The following PCDHA1 variants were observed in gnomAD, a reference collection of about 807,000 sequenced individuals.
PCDHA1 encodes the protein protocadherin alpha 1.
PCDHA1 carries 42 observed loss-of-function variants against 61.3 expected under a neutral mutation model. The ratio of observed to expected loss-of-function variants is 0.69; its 90% CI spans 0.54 to 0.89. The LOEUF is 0.89. Ranked by LOEUF, PCDHA1 falls within the 40% of genes least tolerant of loss-of-function variation. The pLI is 0.00. For missense variants in PCDHA1, 1,256 were observed against 1,235.3 expected (o/e 1.02, Z -0.25); for synonymous variants, 610 against 553.8 (o/e 1.10, Z -1.43).
intron 1 of PCDHA1, chr5:140,802,235 T>C: frequency 6.2e-7 from 1 of 1,614,220 alleles, no homozygotes; most frequent in Non-Finnish European, 8.5e-7. Context: ...TCAATGATAA[T>C]GTACCTGAGT....
intron 1 of PCDHA1, chr5:140,857,735 G>T (rs782288464): frequency 6.3e-7 from 1 of 1,597,334 alleles, no homozygotes; most frequent in Non-Finnish European, 8.6e-7. Flanking sequence ...CAACGCTCCC[G>T]CGCTGCTGGC....
intron 1 of PCDHA1, among the ~76,000 whole-genome samples, chr5:140,918,196 G>T (rs978589409): frequency 7.9e-5 from 12 of 152,102 alleles, no homozygotes; most frequent in Non-Finnish European, 1.6e-4. Flanking sequence ...CCTCAGCTTG[G>T]ATGTTGTTGG....
At position 140,946,611 on chromosome 5, in the gene PCDHA1, A is replaced by AATATATATATATATATATATATATAT. The variant is rs1554217734; in HGVS notation, c.2395-32317_2395-32316insTATATATATATATATATATATATATA. Among the ~76,000 whole-genome samples, 847 of 86,186 alleles carry AATATATATATATATATATATATATAT rather than the reference A, an allele frequency of 9.8e-3. 28 individuals carry two copies. The highest frequency in any genetic ancestry group is 0.012 in the Non-Finnish European group (550 of 46,284). The allele number at this position is 86,186 out of a possible 152,430, so 56.5% of individuals were successfully genotyped here. ...GGATGAATAGATAAAGAAAATGTGA[A>AATATATATATATATATATATATATAT]ATATATATATATATATATATACAAT... On this transcript the variant is annotated intron_variant, in intron 1 of 3. Coordinates refer to ENST00000504120, the MANE Select transcript of PCDHA1 (RefSeq NM_018900.4).
At chr5:140,795,682 C>T (rs895598108) in intron 1 of PCDHA1, 19 of 1,614,058 alleles carry the variant, frequency 1.2e-5, no homozygotes, top group Non-Finnish European at 1.6e-5. Context: ...TGACAATGAA[C>T]CAACTTTTGC....
Position 140,843,520 on chromosome 5 carries a change from G to A in PCDHA1, c.2394+54836G>A, listed in dbSNP as rs2150361803. 1.5e-5 allele frequency: 24 copies of A among 1,595,834 alleles called. 2 individuals are homozygous for A. The highest frequency in any genetic ancestry group is 2.0e-5 in the Non-Finnish European group (23 of 1,165,564). On this transcript the variant is annotated intron_variant, in intron 1 of 3. Coordinates refer to ENST00000504120, the MANE Select transcript of PCDHA1 (RefSeq NM_018900.4). ...CACTGCCCACTGAGGGCGGGTGCCG[G>A]GCGGGCAAGCCCACTCTGGTGTGCT...
At chr5:140,836,321 C>G (rs2150257689) in intron 1 of PCDHA1, 3 of 1,613,768 alleles carry the variant, frequency 1.9e-6, no homozygotes, top group Non-Finnish European at 2.5e-6. Context: ...CGCGCCACCG[C>G]CTTCTGGTGC....
Position 140,791,519 on chromosome 5 carries a change from G to A in PCDHA1, c.2394+2835G>A, listed in dbSNP as rs554107794. Among the ~76,000 whole-genome samples, 6 of 152,298 alleles carry A rather than the reference G, an allele frequency of 3.9e-5. No individual in the cohort carries two copies. The East Asian group carries it at 9.6e-4, about 24-fold the overall frequency. On this transcript the variant is annotated intron_variant, in intron 1 of 3. Transcript: ENST00000504120. The stretch of plus-strand genomic sequence containing the variant: ...AAAAACTGAATGTTAACTCACAACA[G>A]CATATGTATTGAGGTCCCACTGCCA...
At chr5:140,883,208 A>C in intron 1 of PCDHA1, 3 of 1,614,034 alleles carry the variant, frequency 1.9e-6, no homozygotes, top group Non-Finnish European at 1.7e-6. Context: ...CGAAGAAAAG[A>C]AATTATATGA....
intron 1 of PCDHA1, chr5:140,966,557 G>T: frequency 2.1e-6 from 1 of 477,538 alleles, no homozygotes; most frequent in Non-Finnish European, 3.5e-6. Context: ...GAGCGGAGGA[G>T]CTGGAATATG....
intron 1 of PCDHA1, chr5:140,876,529 A>G (rs375358450): frequency 1.2e-5 from 19 of 1,614,034 alleles, no homozygotes; most frequent in Non-Finnish European, 1.5e-5. Context: ...AGTAATGGTT[A>G]CTTCACTGTC....
intron 1 of PCDHA1, chr5:140,835,213 T>C: frequency 1.3e-6 from 2 of 1,576,900 alleles, no homozygotes; most frequent in Non-Finnish European, 1.7e-6. Context: ...AATGGGGATA[T>C]TATTTACTCC....
At position 140,841,270 on chromosome 5, in the gene PCDHA1, C is replaced by A; in HGVS notation, c.2394+52586C>A. On this transcript the variant is annotated intron_variant, in intron 1 of 3. Transcript: ENST00000504120. ...GATTAAAAGACTCTGAAAGTACAGT[C>A]GTTCATCTTTATATTAAGATAATAT... 4 of 1,529,280 alleles carry A rather than the reference C, an allele frequency of 2.6e-6. No individual in the cohort carries two copies. The South Asian group carries it at 3.9e-5, about 15-fold the overall frequency. 94.7% of individuals were successfully genotyped at this position (1,529,280 alleles called of 1,614,324 possible).
Position 140,884,467 on chromosome 5 carries a change from G to C in PCDHA1, c.2395-94482G>C, listed in dbSNP as rs199814121. 11 of 1,613,778 alleles carry C rather than the reference G, an allele frequency of 6.8e-6. No homozygotes were observed. The South Asian group carries it at 8.8e-5, about 13-fold the overall frequency. On this transcript the variant is annotated intron_variant, in intron 1 of 3. Transcript: ENST00000504120. ...CACCGCCCACCGAGGGCGCGTGCGC[G>C]CCGGGCAAGCCCACTCTAGTGTGCT...
At chr5:140,803,883 A>G (rs1032213276) in intron 1 of PCDHA1, 1 of 546,086 alleles carries the variant, frequency 1.8e-6, no homozygotes, top group Admixed American at 3.6e-5. Flanking sequence ...TTTTTCTTAG[A>G]TGAATTGCAT....
At position 140,835,900 on chromosome 5, in the gene PCDHA1, G is replaced by A. The variant is rs1580826433; in HGVS notation, c.2394+47216G>A. The A allele has an allele frequency of 4.3e-6, 7 of 1,612,152 alleles. No individual in the cohort carries two copies. The East Asian group carries it at 1.6e-4, about 36-fold the overall frequency. ...CGGGTGGGCGAGCGCGCGCTGTCGA[G>A]CTACGTGTCAGTGCACGCGGAGAGC... On this transcript the variant is annotated intron_variant, in intron 1 of 3. Coordinates refer to ENST00000504120, the MANE Select transcript of PCDHA1 (RefSeq NM_018900.4).
At chr5:140,812,368 C>A (rs1562235048) in intron 1 of PCDHA1, 1 of 151,842 alleles carries the variant, frequency 6.6e-6, no homozygotes, top group East Asian at 1.9e-4. Flanking sequence ...GACTTCCAGT[C>A]TTTTTGTTTT....
intron 1 of PCDHA1, chr5:140,850,650 A>C (rs2150492229): frequency 6.3e-7 from 1 of 1,598,426 alleles, no homozygotes; most frequent in East Asian, 2.2e-5. Flanking sequence ...GCTGCTGTAC[A>C]CTGTGCTGCG....
intron 1 of PCDHA1, among the ~76,000 whole-genome samples, chr5:140,935,915 CAG>C (rs2090644404): frequency 7.6e-6 from 1 of 131,048 alleles, no homozygotes; most frequent in Non-Finnish European, 1.6e-5. Flanking sequence ...TTTTTTGAGA[CAG>C]ATTCTCATTC....
chr5:140,810,572 G>A (rs1764686057), intron 1 of PCDHA1: 1 of 152,160 alleles, frequency 6.6e-6, no homozygotes, highest in African/African-American at 2.4e-5. Context: ...TTTAAATGAA[G>A]TTGAGTACCT....
Sources: allele counts gnomAD v4.1 joint callset (sites outside exome capture counted in the v4.1 genomes callset), GRCh38; gene constraint gnomAD v4.1.1; transcripts MANE v1.5; gene names NCBI Gene and HGNC (gene_info 2026-07-23, HGNC 2026-07-21).